The following CYP39A1 variants were observed in gnomAD, a reference collection of about 807,000 sequenced individuals.
CYP39A1 encodes cytochrome P450 family 39 subfamily A member 1, also known as 24-hydroxycholesterol 7-alpha-hydroxylase.
A neutral mutation model predicts 58.1 loss-of-function variants in CYP39A1; 49 were observed. The observed-to-expected ratio is 0.84, with a 90% CI of 0.67 to 1.07. CYP39A1 has a LOEUF of 1.07. CYP39A1 is among the 50% of genes least tolerant of loss of function. The pLI is 0.00. For synonymous variants in CYP39A1, 209 were observed against 187.6 expected, an observed-to-expected ratio of 1.11 and a Z score of -0.93; for missense variants, 531 against 539.4, an observed-to-expected ratio of 0.98 and a Z score of 0.16.
chr6:46,570,217 C>G (rs1043662010), intron 10 of CYP39A1, among the ~76,000 whole-genome samples: 17 of 152,204 alleles, frequency 1.1e-4, no homozygotes, highest in African/African-American at 3.9e-4. Flanking sequence ...TATTTGTCTT[C>G]TGTCTCTTTT....
intron 6 of CYP39A1, among the ~76,000 whole-genome samples, chr6:46,627,801 G>T (rs1775413632): frequency 6.6e-6 from 1 of 151,986 alleles, no homozygotes; most frequent in African/African-American, 2.4e-5. Context: ...AGATAAAAAG[G>T]CATATAAAAT....
intron 10 of CYP39A1, among the ~76,000 whole-genome samples, chr6:46,555,071 ACACG>A (rs1294356875): frequency 2.0e-5 from 3 of 151,678 alleles, no homozygotes; most frequent in African/African-American, 4.8e-5. Context: ...ACACACACAC[ACACG>A]CAATCTTTCA....
intron 8 of CYP39A1, among the ~76,000 whole-genome samples, chr6:46,588,574 T>C (rs1772621356): frequency 6.6e-6 from 1 of 152,104 alleles, no homozygotes; most frequent in Admixed American, 6.6e-5. Flanking sequence ...AATTGGACTC[T>C]GAGACAGGGA....
At chr6:46,636,150 T>TACGGAACAATA in intron 5 of CYP39A1, among the ~76,000 whole-genome samples, 1 of 152,102 alleles carries the variant, frequency 6.6e-6, no homozygotes, top group Non-Finnish European at 1.5e-5. Context: ...ATACGGAACA[T>TACGGAACAATA]CGGAATTGTA....
chr6:46,570,303 A>C (rs1328753809), intron 10 of CYP39A1, among the ~76,000 whole-genome samples: 1 of 151,810 alleles, frequency 6.6e-6, no homozygotes, highest in African/African-American at 2.4e-5. Context: ...TGACTTTTTA[A>C]ATTGTTTTTC....
chr6:46,635,092 G>A (rs906823183), intron 5 of CYP39A1, among the ~76,000 whole-genome samples: 3 of 152,084 alleles, frequency 2.0e-5, no homozygotes, highest in Non-Finnish European at 4.4e-5. Flanking sequence ...TTTTTCCTAA[G>A]GCCATCTTCC....
intron 7 of CYP39A1, among the ~76,000 whole-genome samples, chr6:46,609,418 A>G (rs1774069755): frequency 6.6e-6 from 1 of 151,628 alleles, no homozygotes; most frequent in African/African-American, 2.4e-5. Flanking sequence ...CCGTCTCAAA[A>G]AAAAAAAAAA....
At chr6:46,617,381 T>C (rs1040111094) in intron 7 of CYP39A1, among the ~76,000 whole-genome samples, 1 of 152,118 alleles carries the variant, frequency 6.6e-6, no homozygotes, top group Non-Finnish European at 1.5e-5. Flanking sequence ...AAAGTCTACC[T>C]TGGTTAGATT....
At chr6:46,570,742 G>A (rs1771542899) in intron 10 of CYP39A1, among the ~76,000 whole-genome samples, 1 of 152,124 alleles carries the variant, frequency 6.6e-6, no homozygotes, top group East Asian at 1.9e-4. Flanking sequence ...AGAAATGGGA[G>A]AGGTTCCAAA....
intron 5 of CYP39A1, among the ~76,000 whole-genome samples, chr6:46,634,323 C>T (rs561342622): frequency 6.6e-6 from 1 of 152,290 alleles, no homozygotes; most frequent in African/African-American, 2.4e-5. Flanking sequence ...CCTCCCCAGC[C>T]ATGTGGAACC....
intron 5 of CYP39A1, 84 bp from the exon 6 acceptor site, chr6:46,631,154 T>C (rs1775637240): frequency 9.2e-7 from 1 of 1,086,042 alleles, no homozygotes; most frequent in Non-Finnish European, 1.4e-6. Context: ...GCCTTTTTCT[T>C]TAATATGAAA....
At chr6:46,564,121 T>G (rs1771140470) in intron 10 of CYP39A1, among the ~76,000 whole-genome samples, 1 of 130,706 alleles carries the variant, frequency 7.7e-6, no homozygotes, top group African/African-American at 3.8e-5. Context: ...TTTTATTCTA[T>G]TTTATTCTAT....
intron 7 of CYP39A1, among the ~76,000 whole-genome samples, chr6:46,623,017 T>C (rs947677749): frequency 1.3e-5 from 2 of 152,122 alleles, no homozygotes; most frequent in Non-Finnish European, 2.9e-5. Context: ...TGCCTAGAAG[T>C]GAGTGTTGAA....
chr6:46,584,370 C>T (rs3799886), intron 10 of CYP39A1, among the ~76,000 whole-genome samples: 1 of 151,958 alleles, frequency 6.6e-6, no homozygotes, highest in Admixed American at 6.6e-5. Context: ...CTCCCAGACT[C>T]TCTCTCATTC....
chr6:46,597,338 T>C (rs979516008), intron 7 of CYP39A1, among the ~76,000 whole-genome samples: 8 of 152,034 alleles, frequency 5.3e-5, no homozygotes, highest in Non-Finnish European at 1.0e-4. Context: ...AAGCACACAG[T>C]TGACTAGTAC....
intron 1 of CYP39A1, among the ~76,000 whole-genome samples, chr6:46,647,302 CCAAAA>C (rs977075162): frequency 2.6e-5 from 4 of 152,074 alleles, no homozygotes; most frequent in Admixed American, 2.6e-4. Context: ...CAAACACTAA[CCAAAA>C]CAAAGTTGGT....
rs116545794 is a variant in CYP39A1, at chr6:46,552,622, C to T, written c.1338+1145G>A. On this transcript the variant is annotated intron_variant, in intron 11 of 11. Transcript: ENST00000275016. ...GCTCTGAGATTGCAATCCTTAATTT[C>T]TGAGCTTCAGCCCCAATTTAAATAG... Among the ~76,000 whole-genome samples the T allele has an allele frequency of 3.5e-3, 529 of 152,302 alleles. 3 individuals carry two copies. The highest frequency in any genetic ancestry group is 0.012 in the African/African-American group (500 of 41,578).
chr6:46,603,618 C>T (rs920295891), intron 7 of CYP39A1, among the ~76,000 whole-genome samples: 4 of 152,126 alleles, frequency 2.6e-5, no homozygotes, highest in African/African-American at 9.7e-5. Context: ...TTTTGTATTC[C>T]TTTTTCCCGG....
intron 10 of CYP39A1, among the ~76,000 whole-genome samples, chr6:46,573,998 C>T (rs1771726315): frequency 6.6e-6 from 1 of 152,180 alleles, no homozygotes; most frequent in Non-Finnish European, 1.5e-5. Context: ...AAACACACAT[C>T]AGACTGATTT....
Sources: allele counts gnomAD v4.1 joint callset (sites outside exome capture counted in the v4.1 genomes callset), GRCh38; gene constraint gnomAD v4.1.1; transcripts MANE v1.5; gene names NCBI Gene and HGNC (gene_info 2026-07-23, HGNC 2026-07-21).